CCBE1: variants seen among roughly 807,000 people sequenced by gnomAD.
The protein encoded by CCBE1 is collagen and calcium binding EGF domains 1.
In CCBE1, 37 loss-of-function variants were observed where a neutral mutation model predicts 50.0. That is an observed-to-expected ratio of 0.74 (90% CI 0.57 to 0.97). The LOEUF (loss-of-function observed/expected upper bound fraction) is 0.97, where lower values mean the gene tolerates loss of function less well. Ranked by LOEUF, CCBE1 falls within the 50% of genes least tolerant of loss-of-function variation. The pLI, the probability that CCBE1 is intolerant of heterozygous loss-of-function variation, is 0.00. For missense variants in CCBE1, 538 were observed against 523.8 expected (o/e 1.03, Z -0.26); for synonymous variants, 234 against 203.7 (o/e 1.15, Z -1.27).
intron 2 of CCBE1, among the ~76,000 whole-genome samples, chr18:59,591,849 T>C (rs1022477565): frequency 8.5e-5 from 13 of 152,244 alleles, no homozygotes; most frequent in Non-Finnish European, 1.6e-4. Flanking sequence ...TGCACAAGGC[T>C]ATTAATTTCA....
intron 2 of CCBE1, among the ~76,000 whole-genome samples, chr18:59,613,640 C>G (rs949181655): frequency 6.6e-6 from 1 of 151,964 alleles, no homozygotes; most frequent in Non-Finnish European, 1.5e-5. Flanking sequence ...TGGCTCACGC[C>G]TGTAATCCCA....
At chr18:59,589,962 TTC>T (rs1237704739) in intron 2 of CCBE1, among the ~76,000 whole-genome samples, 1 of 152,142 alleles carries the variant, frequency 6.6e-6, no homozygotes, top group Non-Finnish European at 1.5e-5. Context: ...AAGAAAAAGC[TTC>T]TGACAATTCA....
chr18:59,541,007 T>C (rs1915445758), intron 2 of CCBE1, among the ~76,000 whole-genome samples: 1 of 152,196 alleles, frequency 6.6e-6, no homozygotes, highest in African/African-American at 2.4e-5. Context: ...ATAAGAATCT[T>C]TCCTTCATTC....
chr18:59,645,887 C>T (rs1171151422), intron 2 of CCBE1, among the ~76,000 whole-genome samples: 5 of 151,950 alleles, frequency 3.3e-5, no homozygotes, highest in Non-Finnish European at 5.9e-5. Flanking sequence ...AAAAAATAGC[C>T]GGGTGTGGTG....
chr18:59,524,163 A>T (rs1256455520), intron 2 of CCBE1, among the ~76,000 whole-genome samples: 1 of 152,158 alleles, frequency 6.6e-6, no homozygotes, highest in Non-Finnish European at 1.5e-5. Flanking sequence ...TCCACTAAAA[A>T]TATAAAAATT....
At chr18:59,676,754 T>C (rs1305272400) in intron 2 of CCBE1, among the ~76,000 whole-genome samples, 1 of 152,062 alleles carries the variant, frequency 6.6e-6, no homozygotes, top group Non-Finnish European at 1.5e-5. Flanking sequence ...CAACCACAGA[T>C]AGGGATGGAG....
intron 2 of CCBE1, among the ~76,000 whole-genome samples, chr18:59,623,186 T>G (rs1471644115): frequency 6.6e-6 from 1 of 152,178 alleles, no homozygotes; most frequent in Non-Finnish European, 1.5e-5. Context: ...CTAAAACTGC[T>G]CTAAAAAAAA....
intron 2 of CCBE1, among the ~76,000 whole-genome samples, chr18:59,593,670 G>C (rs371404388): frequency 3.3e-5 from 5 of 152,198 alleles, no homozygotes; most frequent in African/African-American, 1.2e-4. Context: ...GGCAGTTTTG[G>C]CTTGAGTAGT....
intron 2 of CCBE1, among the ~76,000 whole-genome samples, chr18:59,485,622 A>ATTTT (rs954952816): frequency 6.7e-6 from 1 of 150,290 alleles, no homozygotes; most frequent in Admixed American, 6.7e-5. Context: ...TTATTTATTT[A>ATTTT]TTTTTTGAGA....
intron 2 of CCBE1, among the ~76,000 whole-genome samples, chr18:59,489,659 T>A (rs916312308): frequency 6.6e-6 from 1 of 152,126 alleles, no homozygotes; most frequent in African/African-American, 2.4e-5. Context: ...GTGATCTGTA[T>A]GCCTTGGCTT....
At chr18:59,577,754 G>C (rs908733978) in intron 2 of CCBE1, among the ~76,000 whole-genome samples, 3 of 152,184 alleles carry the variant, frequency 2.0e-5, no homozygotes, top group Non-Finnish European at 4.4e-5. Context: ...CAATAACATG[G>C]ATTGACCAAA....
intron 2 of CCBE1, among the ~76,000 whole-genome samples, chr18:59,587,718 G>C (rs779472214): frequency 1.3e-5 from 2 of 151,898 alleles, no homozygotes; most frequent in South Asian, 4.2e-4. Context: ...AGTTAGGCAA[G>C]AAAAAGAAAT....
At chr18:59,626,876 A>T (rs754021598) in intron 2 of CCBE1, among the ~76,000 whole-genome samples, 4 of 152,248 alleles carry the variant, frequency 2.6e-5, no homozygotes, top group Admixed American at 6.5e-5. Context: ...ATTCCACAGC[A>T]GAGCTTGGGT....
chr18:59,658,323 A>T (rs1354292218), intron 2 of CCBE1, among the ~76,000 whole-genome samples: 73 of 4,002 alleles, frequency 0.018, 20 homozygotes, highest in African/African-American at 0.048. Flanking sequence ...CCTGTCTCTA[A>T]AAAAAAAAAA....
intron 2 of CCBE1, among the ~76,000 whole-genome samples, chr18:59,523,911 G>A (rs996505229): frequency 1.3e-4 from 20 of 152,204 alleles, no homozygotes; most frequent in African/African-American, 4.6e-4. Flanking sequence ...TGTACTTCTA[G>A]ATGTATTTGA....
intron 3 of CCBE1, among the ~76,000 whole-genome samples, chr18:59,474,181 A>G (rs999631081): frequency 6.6e-6 from 1 of 152,226 alleles, no homozygotes; most frequent in Non-Finnish European, 1.5e-5. Context: ...TATTGTGAAT[A>G]GCACGGTGAT....
intron 2 of CCBE1, among the ~76,000 whole-genome samples, chr18:59,576,933 C>G (rs189930410): frequency 6.6e-6 from 1 of 152,222 alleles, no homozygotes; most frequent in Admixed American, 6.5e-5. Context: ...TCCCTAATCC[C>G]TTCTCTCTCT....
At chr18:59,694,483 G>C (rs553535121) in intron 2 of CCBE1, among the ~76,000 whole-genome samples, 1 of 152,316 alleles carries the variant, frequency 6.6e-6, no homozygotes. Context: ...GTCTAAATAG[G>C]TCTGCATGCG....
At chr18:59,437,704 G>A (rs1357964890) in intron 10 of CCBE1, among the ~76,000 whole-genome samples, 2 of 152,154 alleles carry the variant, frequency 1.3e-5, no homozygotes, top group Non-Finnish European at 2.9e-5. Flanking sequence ...TTTAAGAGGA[G>A]ATGGCCATCT....
Sources: gnomAD v4.1 joint callset for allele counts (sites outside exome capture counted in the v4.1 genomes callset) on GRCh38, gnomAD v4.1.1 for gene constraint, MANE v1.5 for transcripts, NCBI Gene and HGNC (gene_info 2026-07-23, HGNC 2026-07-21) for gene names.